TXNRD2: variants seen among roughly 807,000 people sequenced by gnomAD.
The protein encoded by TXNRD2 is thioredoxin reductase 2.
TXNRD2 carries 67 observed loss-of-function variants against 70.8 expected under a neutral mutation model. That is an observed-to-expected ratio of 0.95 (90% CI 0.78 to 1.16). The LOEUF is 1.16. TXNRD2 is among the 50% of genes most tolerant of loss of function. The probability of loss-of-function intolerance (pLI) is 0.00; values close to 1 mark genes in which losing one functional copy is unlikely to be tolerated. For missense variants in TXNRD2, 644 were observed against 719.9 expected, an observed-to-expected ratio of 0.89 and a Z score of 1.21; for synonymous variants, 301 against 295.8, an observed-to-expected ratio of 1.02 and a Z score of -0.18.
At chr22:19,879,226 G>A (rs1938644731) in intron 14 of TXNRD2, among the ~76,000 whole-genome samples, 1 of 152,218 alleles carries the variant, frequency 6.6e-6, no homozygotes, top group South Asian at 2.1e-4. Context: ...AGAGTTCTGG[G>A]GTGCAGGGGG....
At chr22:19,898,230 T>G in intron 9 of TXNRD2, 100 bp from the exon 10 acceptor site, 1 of 1,114,932 alleles carries the variant, frequency 9.0e-7, no homozygotes, top group Non-Finnish European at 1.3e-6. Context: ...CACCCATCCA[T>G]GGCTGGCCCT....
At chr22:19,921,613 G>A (rs534888796) in intron 2 of TXNRD2, among the ~76,000 whole-genome samples, 1 of 152,208 alleles carries the variant, frequency 6.6e-6, no homozygotes, top group East Asian at 1.9e-4. Flanking sequence ...GTGAGCCCTG[G>A]GGAGTCTCCA....
At chr22:19,898,967 G>C (rs561084546) in intron 9 of TXNRD2, 82 bp downstream of exon 9, 2 of 1,565,306 alleles carry the variant, frequency 1.3e-6, no homozygotes, top group Non-Finnish European at 1.7e-6. Flanking sequence ...AGAGCCTGCC[G>C]GAAGGGCGGG....
rs528224576 is a variant in TXNRD2, at chr22:19,885,254, C to T, written c.950-1793G>A. ...GCTCCCAGGGGCTCAGGATGATCCA[C>T]CAATGGCGAAGGCAATTTTGCCTCA... On this transcript the variant is annotated intron_variant, in intron 11 of 17. Transcript: ENST00000400521. 1.6e-4 allele frequency among the ~76,000 whole-genome samples: 25 copies of T among 152,370 alleles called. No homozygotes were observed. The South Asian group carries it at 5.0e-3, about 30-fold the overall frequency.
intron 8 of TXNRD2, among the ~76,000 whole-genome samples, chr22:19,906,298 CAG>C: frequency 2.0e-5 from 3 of 152,240 alleles, no homozygotes; most frequent in Admixed American, 2.0e-4. Flanking sequence ...CAAATGCAAA[CAG>C]AGTCAGATCA....
At chr22:19,882,671 AG>A (rs1337207459) in intron 12 of TXNRD2, among the ~76,000 whole-genome samples, 1 of 152,248 alleles carries the variant, frequency 6.6e-6, no homozygotes, top group African/African-American at 2.4e-5. Flanking sequence ...TTTCAGCAGC[AG>A]GTGCTGGACA....
intron 8 of TXNRD2, among the ~76,000 whole-genome samples, chr22:19,905,914 T>TAAA (rs35285035): frequency 7.6e-6 from 1 of 132,340 alleles, no homozygotes; most frequent in Admixed American, 7.6e-5. Flanking sequence ...ATACAGGGCT[T>TAAA]AAAAAAAAAA....
At chr22:19,911,266 G>T in intron 8 of TXNRD2, 111 bp downstream of exon 8, 1 of 911,978 alleles carries the variant, frequency 1.1e-6, no homozygotes, top group South Asian at 1.4e-5. Flanking sequence ...CCTTCTTTTG[G>T]GTAAACCGGA....
intron 2 of TXNRD2, among the ~76,000 whole-genome samples, chr22:19,929,206 A>G (rs1601477212): frequency 6.6e-6 from 1 of 151,844 alleles, no homozygotes; most frequent in African/African-American, 2.4e-5. Context: ...GGGCGCCTGT[A>G]GTCCCAGCTA....
chr22:19,913,460 A>G (rs1940503306), intron 7 of TXNRD2, among the ~76,000 whole-genome samples: 1 of 152,158 alleles, frequency 6.6e-6, no homozygotes, highest in East Asian at 1.9e-4. Flanking sequence ...GTCAGCAACT[A>G]TAGGGTCATC....
chr22:19,927,651 C>CAAAAAAAAAAAA (rs149665821), intron 2 of TXNRD2, among the ~76,000 whole-genome samples: 13 of 68,372 alleles, frequency 1.9e-4, no homozygotes, highest in South Asian at 5.7e-4. Flanking sequence ...GACCTTGTCT[C>CAAAAAAAAAAAA]AAAAAAAAAA....
At chr22:19,878,017 A>G in intron 16 of TXNRD2, 73 bp downstream of exon 16, 2 of 1,274,258 alleles carry the variant, frequency 1.6e-6, no homozygotes, top group Admixed American at 1.9e-5. Flanking sequence ...GCAGCTCTCC[A>G]CTGTAGGACT....
Position 19,883,379 on chromosome 22 carries a change from G to A in TXNRD2, c.1032C>T (p.Asp344=), listed in dbSNP as rs759106464. ...TSPDTQKILV[D]SREATSVPHI... is the part of the protein sequence containing the mutation. ...GGGGCACAGAGGTGGCTTCCCGGGA[G>A]TCCACCAGGATCTTCTGAGTGTCGG... Residue 344 remains aspartate, a synonymous_variant, in exon 12 of 18, where the codon GAC becomes GAT. Coordinates refer to ENST00000400521, the MANE Select transcript of TXNRD2 (RefSeq NM_006440.5). The A allele has an allele frequency of 6.2e-7, 1 of 1,614,062 alleles. No individual in the cohort carries two copies. Among genetic ancestry groups the A allele is most frequent in the Non-Finnish European group, 8.5e-7 (1 of 1,180,028 alleles).
intron 1 of TXNRD2, among the ~76,000 whole-genome samples, chr22:19,934,589 TTCTC>T (rs1022400307): frequency 2.7e-5 from 4 of 149,674 alleles, no homozygotes; most frequent in African/African-American, 4.9e-5. Flanking sequence ...TTGAGGCAGA[TTCTC>T]TCTCTGTCGC....
At chr22:19,909,794 C>CCCTT (rs1940282862) in intron 8 of TXNRD2, among the ~76,000 whole-genome samples, 1 of 125,476 alleles carries the variant, frequency 8.0e-6, no homozygotes, top group Admixed American at 8.1e-5. Flanking sequence ...CACACACACA[C>CCCTT]CACTCACACA....
At chr22:19,931,122 G>C in intron 1 of TXNRD2, 24 bp from the exon 2 acceptor site, 2 of 1,610,142 alleles carry the variant, frequency 1.2e-6, no homozygotes, top group Non-Finnish European at 8.5e-7. Flanking sequence ...TGAGAGGTGG[G>C]ACGGACTGTC....
Position 19,918,880 on chromosome 22 carries a change from G to A in TXNRD2, c.354C>T (p.Ala118=). Residue 118 remains alanine (A), a synonymous_variant, in exon 4 of 18, where the codon GCC becomes GCT. Coordinates refer to ENST00000400521, the MANE Select transcript of TXNRD2 (RefSeq NM_006440.5). ...QDAPNYGWEV[A]QPVPHDWRKM... ...CTTACCAGTCATGCGGCACGGGCTG[G>A]GCCACCTCCCAGCCATAGTTGGGGG... 1 of 1,610,536 alleles carries A rather than the reference G, an allele frequency of 6.2e-7. No homozygotes were observed. Among genetic ancestry groups the A allele is most frequent in the Non-Finnish European group, 8.5e-7 (1 of 1,179,924 alleles).
intron 4 of TXNRD2, 109 bp downstream of exon 4, chr22:19,918,751 C>T: frequency 1.4e-6 from 2 of 1,386,380 alleles, no homozygotes; most frequent in Non-Finnish European, 1.0e-6. Flanking sequence ...CTGAGAAACC[C>T]ATCCTACGGC....
At chr22:19,932,552 G>A (rs1349965136) in intron 1 of TXNRD2, 11 of 1,490,770 alleles carry the variant, frequency 7.4e-6, no homozygotes, top group East Asian at 2.4e-5. Flanking sequence ...CCTGAGGTCC[G>A]GGACACCCAG....
Sources: allele counts gnomAD v4.1 joint callset (sites outside exome capture counted in the v4.1 genomes callset), GRCh38; gene constraint gnomAD v4.1.1; transcripts MANE v1.5; gene names NCBI Gene and HGNC (gene_info 2026-07-23, HGNC 2026-07-21).